The following SYMPK variants were observed in gnomAD, a reference collection of about 807,000 sequenced individuals.
The protein encoded by SYMPK is symplekin scaffold protein.
A neutral mutation model predicts 136.4 loss-of-function variants in SYMPK; 49 were observed. The ratio of observed to expected loss-of-function variants is 0.36; its 90% confidence interval spans 0.29 to 0.46. The LOEUF (loss-of-function observed/expected upper bound fraction) is 0.46. SYMPK is among the 20% of genes least tolerant of loss of function. The probability of loss-of-function intolerance (pLI) is 1.00; values close to 1 mark genes in which losing one functional copy is unlikely to be tolerated. For synonymous variants in SYMPK, 766 were observed against 713.0 expected, an observed-to-expected ratio of 1.07 and a Z score of -1.19; for missense variants, 1,365 against 1,690.0, an observed-to-expected ratio of 0.81 and a Z score of 3.37.
chr19:45,827,933 G>A lies in SYMPK; in HGVS notation c.1986-15C>T. Reference sequence around the variant, plus strand: ...TGGTGAAGATCCTGCCAGAGATGGAGGGAGGGCCATGGCTGCAGAGGAAGA... The same window carrying A: ...TGGTGAAGATCCTGCCAGAGATGGAAGGAGGGCCATGGCTGCAGAGGAAGA... On this transcript the variant is annotated splice_polypyrimidine_tract_variant and intron_variant, in intron 14 of 26. Transcript: ENST00000245934. 6.2e-7 allele frequency: 1 copy of A among 1,613,192 alleles called. No homozygotes were observed.
At position 45,857,426 on chromosome 19, in the gene SYMPK, A is replaced by C. The variant is rs565209576; in HGVS notation, c.-12-2919T>G. On this transcript the variant is annotated intron_variant, in intron 1 of 26. Coordinates refer to ENST00000245934, the MANE Select transcript of SYMPK (RefSeq NM_004819.3). ...CTCTGTCTCAAAAAAAAAAAAAAAA[A>C]AAAAAAAACACACACTAAACAAACA... Among the ~76,000 whole-genome samples the C allele has an allele frequency of 1.8e-3, 272 of 151,050 alleles. 5 individuals carry two copies. Among genetic ancestry groups the C allele is most frequent in the African/African-American group, 6.3e-3 (261 of 41,256 alleles).
At chr19:45,847,068 A>G (rs1971580274) in intron 7 of SYMPK, among the ~76,000 whole-genome samples, 1 of 152,038 alleles carries the variant, frequency 6.6e-6, no homozygotes, top group Non-Finnish European at 1.5e-5. Context: ...TGCTGGGACT[A>G]TAAGCATGAG....
At chr19:45,830,996 C>A (rs566595188) in intron 12 of SYMPK, 40 of 158,952 alleles carry the variant, frequency 2.5e-4, no homozygotes, top group Admixed American at 8.4e-4. Context: ...ATGATGACAG[C>A]CAGTAGCATT....
At chr19:45,844,514 A>C (rs1422839199) in intron 7 of SYMPK, among the ~76,000 whole-genome samples, 1 of 152,170 alleles carries the variant, frequency 6.6e-6, no homozygotes, top group African/African-American at 2.4e-5. Context: ...CTCTACTAAA[A>C]ATACAAGAAA....
Position 45,816,866 on chromosome 19 carries a change from C to T in SYMPK, c.3190G>A (p.Val1064Ile). 1.3e-6 allele frequency: 2 copies of T among 1,549,778 alleles called. No homozygotes were observed. The highest frequency in any genetic ancestry group is 2.0e-5 in the Admixed American group (1 of 50,174). The change falls in exon 24 of 27, where the codon GTC becomes ATC. Residue 1064 changes from valine to isoleucine, a missense_variant. Transcript: ENST00000245934. The part of the protein sequence containing the change: ...LQLPPQQLGA[V>I]FDKCPELREP... ...CGGAGCTCTGGGCACTTGTCAAAGACGGCTCCCAGCTGCTGGGGCGGCAGC... is the reference window on the plus strand; with the variant it reads ...CGGAGCTCTGGGCACTTGTCAAAGATGGCTCCCAGCTGCTGGGGCGGCAGC...
intron 22 of SYMPK, 129 bp from the exon 23 acceptor site, chr19:45,818,275 GGGAGAGA>G (rs1970802465): frequency 6.1e-6 from 6 of 979,710 alleles, no homozygotes; most frequent in Non-Finnish European, 8.7e-6. Flanking sequence ...AAGCCCCTGC[GGGAGAGA>G]GGAGACTCCC....
rs918721950 is a variant in SYMPK, at chr19:45,821,650, A to AAGGCAGCAGCAGCCCTC, written c.2792-182_2792-166dup. On this transcript the variant is annotated intron_variant, in intron 21 of 26. Coordinates refer to ENST00000245934, the MANE Select transcript of SYMPK (RefSeq NM_004819.3). The surrounding 1 kb of genome is among the most constrained non-coding windows in gnomAD (Gnocchi z 4.4). ...CTGACAACATAAAAAGGGGACACCG[A>AAGGCAGCAGCAGCCCTC]AGGCAGCAGCAGCCCTCAGGCAGCG... Among the ~76,000 whole-genome samples, 2 of 152,290 alleles carry AAGGCAGCAGCAGCCCTC rather than the reference A, an allele frequency of 1.3e-5. No individual in the cohort carries two copies. The highest frequency in any genetic ancestry group is 1.9e-4 in the East Asian group (1 of 5,176).
chr19:45,837,912 T>C (rs979866794), intron 10 of SYMPK, among the ~76,000 whole-genome samples: 2 of 152,084 alleles, frequency 1.3e-5, no homozygotes, highest in African/African-American at 2.4e-5. Context: ...TTCTGCCACA[T>C]GAGTCTGAGG....
intron 26 of SYMPK, 63 bp downstream of exon 26, chr19:45,815,788 C>T: frequency 6.3e-7 from 1 of 1,589,252 alleles, no homozygotes; most frequent in Non-Finnish European, 8.6e-7. Flanking sequence ...GGCCCCTCCT[C>T]CCCCACCTTC....
At position 45,815,489 on chromosome 19, in the gene SYMPK, C is replaced by A. The variant is rs1970701595; in HGVS notation, c.*71G>T. 2 of 1,230,800 alleles carry A rather than the reference C, an allele frequency of 1.6e-6. No homozygotes were observed. 76.2% of individuals were successfully genotyped at this position (1,230,800 alleles called of 1,614,324 possible). On this transcript the variant is annotated 3_prime_UTR_variant, in exon 27 of 27. Transcript: ENST00000245934. ...TTTATTTCTTTTTAAGGCAAAGCAC[C>A]CGCAGGTCAAGCCCCGCCCCGTCCC... is the stretch of plus-strand genomic sequence containing the variant.
chr19:45,816,234 A>G (rs1421221376), intron 25 of SYMPK, 51 bp from the exon 26 acceptor site: 21 of 1,313,374 alleles, frequency 1.6e-5, no homozygotes, highest in South Asian at 5.9e-5. Context: ...GGCTCAGAGG[A>G]CGGCCGGAAA....
At chr19:45,844,222 C>T in intron 7 of SYMPK, 22 bp from the exon 8 acceptor site, 1 of 1,533,714 alleles carries the variant, frequency 6.5e-7, no homozygotes, top group Non-Finnish European at 8.8e-7. Flanking sequence ...AGAGGAGAAC[C>T]AGTCAGTGGG....
intron 11 of SYMPK, among the ~76,000 whole-genome samples, chr19:45,833,756 C>T (rs1971239219): frequency 1.3e-5 from 2 of 152,206 alleles, no homozygotes; most frequent in Admixed American, 6.5e-5. Context: ...TCTATAAATC[C>T]GAAACTTTCT....
intron 22 of SYMPK, chr19:45,819,222 G>C (rs927184753): frequency 6.6e-6 from 1 of 152,072 alleles, no homozygotes; most frequent in Non-Finnish European, 1.5e-5. Flanking sequence ...CCGAGCCTCC[G>C]ATCCATTCTC....
intron 12 of SYMPK, 133 bp downstream of exon 12, chr19:45,831,251 A>T: frequency 1.7e-6 from 1 of 600,934 alleles, no homozygotes; most frequent in Non-Finnish European, 2.6e-6. Flanking sequence ...GAGAGAACCT[A>T]TTCCAGACTT....
At chr19:45,842,127 T>C (rs996080578) in intron 9 of SYMPK, 123 bp downstream of exon 9, 2 of 1,459,746 alleles carry the variant, frequency 1.4e-6, no homozygotes, top group African/African-American at 1.4e-5. Flanking sequence ...TGAGCCACTG[T>C]GCCTGGCCCA....
chr19:45,826,303 T>A lies in SYMPK; in HGVS notation c.2252A>T (p.Lys751Ile). 2 of 1,614,048 alleles carry A rather than the reference T, an allele frequency of 1.2e-6. No homozygotes were observed. The highest frequency in any genetic ancestry group is 1.7e-6 in the Non-Finnish European group (2 of 1,179,990). ...EKEQLREYVE[K>I]FALNYLQLLV... ...GAGCTGCAGGTAGTTGAGGGCAAAT[T>A]TCTCCACATACTCCCGCAGCTGCTC... Residue 751 changes from lysine (K) to isoleucine (I), a missense_variant, in exon 17 of 27, where the codon AAA becomes ATA. Around this residue, in one of 11 missense-constraint regions of SYMPK, gnomAD observed 92 missense variants for 198.6 expected, o/e 0.46. Coordinates refer to ENST00000245934, the MANE Select transcript of SYMPK (RefSeq NM_004819.3).
Position 45,844,050 on chromosome 19 carries a change from T to C in SYMPK, c.827A>G (p.Gln276Arg). ...QRPMFMSEVI[Q>R]AYETLHANLP... is the part of the protein sequence containing the mutation. Reference sequence around the variant, plus strand: ...CCTACCATGCAGAGTTTCATAGGCCTGGATCACCTCAGACATGAACATGGG... The same window carrying C: ...CCTACCATGCAGAGTTTCATAGGCCCGGATCACCTCAGACATGAACATGGG... Residue 276 changes from glutamine to arginine, a missense_variant, in exon 8 of 27, where the codon CAG becomes CGG. This residue lies in a region of SYMPK where 237 missense variants were observed against 292.9 expected (regional missense o/e 0.81). Coordinates refer to ENST00000245934, the MANE Select transcript of SYMPK (RefSeq NM_004819.3). 1.3e-6 allele frequency: 2 copies of C among 1,583,446 alleles called. No homozygotes were observed. The highest frequency in any genetic ancestry group is 8.6e-7 in the Non-Finnish European group (1 of 1,163,560).
At position 45,821,379 on chromosome 19, in the gene SYMPK, C is replaced by T; in HGVS notation, c.2893+5G>A. ...GGCCACTGGAGTGGGGGGGAAGCGC[C>T]TCACCTTTGATGATGGATTTCATGT... On this transcript the variant is annotated splice_donor_5th_base_variant and intron_variant, in intron 22 of 26. Coordinates refer to ENST00000245934, the MANE Select transcript of SYMPK (RefSeq NM_004819.3). This position sits in a 1 kb window ranked among gnomAD's most constrained non-coding sequence, Gnocchi z 4.4. The T allele has an allele frequency of 2.5e-6, 4 of 1,612,918 alleles. No homozygotes were observed. The highest frequency in any genetic ancestry group is 3.4e-6 in the Non-Finnish European group (4 of 1,179,064).
Sources: gnomAD v4.1 joint callset for allele counts (sites outside exome capture counted in the v4.1 genomes callset) on GRCh38, gnomAD v4.1.1 for gene constraint, gnomAD v4.1.1 regional missense constraint, Gnocchi (gnomAD v3.1) non-coding constraint, MANE v1.5 for transcripts, NCBI Gene and HGNC (gene_info 2026-07-23, HGNC 2026-07-21) for gene names.